The following PFDN1 variants were observed in gnomAD, a reference collection of about 807,000 sequenced individuals.
The protein encoded by PFDN1 is prefoldin subunit 1, also known as prefoldin 1.
In PFDN1, 6 loss-of-function variants were observed where a neutral mutation model predicts 17.3. That is an observed-to-expected ratio of 0.35 (90% CI 0.19 to 0.69). PFDN1 has a LOEUF of 0.69. Ranked by LOEUF, PFDN1 falls within the 30% of genes least tolerant of loss-of-function variation. PFDN1 has a pLI of 0.65. For synonymous variants in PFDN1, 58 were observed against 50.1 expected, an observed-to-expected ratio of 1.16 and a Z score of -0.67; for missense variants, 113 against 146.2, an observed-to-expected ratio of 0.77 and a Z score of 1.17.
chr5:140,254,653 C>T lies in PFDN1; in HGVS notation c.286-8596G>A, dbSNP rs79200580. Among the ~76,000 whole-genome samples, 3 of 152,316 alleles carry T rather than the reference C, an allele frequency of 2.0e-5. No individual in the cohort carries two copies. Among genetic ancestry groups the T allele is most frequent in the Non-Finnish European group, 4.4e-5 (3 of 68,024 alleles). ...GTTATCCCACCTCAGCCACCTGGTC[C>T]ATGGTCATGCCCTAGGTCTTGTCAA... On this transcript the variant is annotated intron_variant, in intron 3 of 3. Transcript: ENST00000261813. The surrounding 1 kb of genome is among the most constrained non-coding windows in gnomAD (Gnocchi z 4.4).
intron 2 of PFDN1, among the ~76,000 whole-genome samples, chr5:140,283,967 T>C (rs1452479821): frequency 6.6e-6 from 1 of 152,198 alleles, no homozygotes; most frequent in Non-Finnish European, 1.5e-5. Flanking sequence ...AGTACTATTC[T>C]CAAATAAAAG....
At chr5:140,302,907 A>C (rs1015489029) in intron 1 of PFDN1, 134 bp downstream of exon 1, 7 of 762,524 alleles carry the variant, frequency 9.2e-6, no homozygotes, top group Non-Finnish European at 1.7e-5. Flanking sequence ...AGGCCTTAGG[A>C]CTCTGGGAAA....
At chr5:140,256,656 G>GACAAAAAAAAAAAAAA (rs1764989788) in intron 3 of PFDN1, among the ~76,000 whole-genome samples, 1 of 6,560 alleles carries the variant, frequency 1.5e-4, no homozygotes, top group African/African-American at 4.5e-4. Context: ...AACAAAAAAT[G>GACAAAAAAAAAAAAAA]ACAAAAAAAA....
Position 140,245,411 on chromosome 5 carries a change from C to A in PFDN1, c.*563G>T. On this transcript the variant is annotated 3_prime_UTR_variant, in exon 4 of 4. Transcript: ENST00000261813. ...GACTGCTATTCTGTTCACTGAGATT[C>A]AGCTGTGAACATCTGTTCTTTCTTC... 2.8e-6 allele frequency: 2 copies of A among 701,882 alleles called. No homozygotes were observed. Among genetic ancestry groups the A allele is most frequent in the South Asian group, 3.0e-5 (2 of 67,478 alleles). 43.5% of individuals were successfully genotyped at this position (701,882 alleles called of 1,614,324 possible).
intron 3 of PFDN1, among the ~76,000 whole-genome samples, chr5:140,251,556 T>G (rs1764913324): frequency 6.6e-6 from 1 of 152,156 alleles, no homozygotes; most frequent in African/African-American, 2.4e-5. Flanking sequence ...CTACCAGCAG[T>G]CCTGGGAGGG....
intron 3 of PFDN1, among the ~76,000 whole-genome samples, chr5:140,247,985 AG>A (rs1764856206): frequency 1.3e-5 from 2 of 152,250 alleles, no homozygotes; most frequent in Non-Finnish European, 2.9e-5. Flanking sequence ...ACTGCTGCTA[AG>A]GAATTTTAAT....
intron 2 of PFDN1, among the ~76,000 whole-genome samples, chr5:140,296,961 T>A (rs1304322021): frequency 6.6e-6 from 1 of 152,194 alleles, no homozygotes; most frequent in African/African-American, 2.4e-5. Context: ...TTAGATTTTA[T>A]CCTGTGGACA....
chr5:140,268,552 A>G (rs1018255273), intron 3 of PFDN1, among the ~76,000 whole-genome samples: 1 of 152,090 alleles, frequency 6.6e-6, no homozygotes, highest in Non-Finnish European at 1.5e-5. Context: ...AGGCTGAGGC[A>G]GGAAATCTTT....
At position 140,270,147 on chromosome 5, in the gene PFDN1, T is replaced by C. The variant is rs993248125; in HGVS notation, c.285+11302A>G. ...TCAGAGTAAGAATCTAGGATAAGGA[T>C]TCTTGGCAAGGAAGTATGTAATGAC... On this transcript the variant is annotated intron_variant, in intron 3 of 3. Transcript: ENST00000261813. Among the ~76,000 whole-genome samples, 4 of 152,282 alleles carry C rather than the reference T, an allele frequency of 2.6e-5. No homozygotes were observed. In the South Asian group the frequency reaches 8.3e-4, roughly 32 times the overall value.
At chr5:140,256,640 G>T (rs1205942174) in intron 3 of PFDN1, among the ~76,000 whole-genome samples, 17 of 30,976 alleles carry the variant, frequency 5.5e-4, no homozygotes, top group East Asian at 4.5e-3. Flanking sequence ...ACTGCTCAAT[G>T]TAAAAAACAA....
At chr5:140,285,498 T>G (rs1765473753) in intron 2 of PFDN1, among the ~76,000 whole-genome samples, 1 of 151,806 alleles carries the variant, frequency 6.6e-6, no homozygotes, top group African/African-American at 2.4e-5. Flanking sequence ...TAAATTGAAT[T>G]TATTTCTTAC....
intron 3 of PFDN1, among the ~76,000 whole-genome samples, chr5:140,279,771 A>C (rs1338833737): frequency 6.6e-6 from 1 of 152,028 alleles, no homozygotes; most frequent in African/African-American, 2.4e-5. Context: ...CGAGGCAGGC[A>C]GATCATCTGA....
intron 3 of PFDN1, among the ~76,000 whole-genome samples, chr5:140,251,210 A>G (rs1764908148): frequency 6.6e-6 from 1 of 152,204 alleles, no homozygotes; most frequent in Admixed American, 6.5e-5. Context: ...TGCTGGGATT[A>G]CAGATGTGAA....
intron 1 of PFDN1, among the ~76,000 whole-genome samples, chr5:140,301,585 C>T (rs1251741608): frequency 6.6e-6 from 1 of 151,988 alleles, no homozygotes; most frequent in Non-Finnish European, 1.5e-5. Context: ...TCCTATTTGT[C>T]TCCACCCAAA....
chr5:140,286,415 A>G (rs947860835), intron 2 of PFDN1, among the ~76,000 whole-genome samples: 8 of 148,056 alleles, frequency 5.4e-5, no homozygotes, highest in Non-Finnish European at 9.0e-5. Flanking sequence ...CTGTCTCAAA[A>G]AAAAAAAAAA....
At chr5:140,279,730 A>G (rs2014350) in intron 3 of PFDN1, among the ~76,000 whole-genome samples, 151,988 of 151,996 alleles carry the variant, frequency 1, 75,990 homozygotes, top group Middle Eastern at 1. Context: ...GGCCAGGCGC[A>G]GTGGCCTATG....
At chr5:140,287,112 G>A (rs903448127) in intron 2 of PFDN1, among the ~76,000 whole-genome samples, 2 of 152,196 alleles carry the variant, frequency 1.3e-5, no homozygotes, top group African/African-American at 4.8e-5. Context: ...GGATTAACTA[G>A]TTGGTTAAAT....
intron 2 of PFDN1, among the ~76,000 whole-genome samples, chr5:140,282,528 T>A (rs997832843): frequency 6.6e-6 from 1 of 152,126 alleles, no homozygotes; most frequent in African/African-American, 2.4e-5. Context: ...TGTATAAGCC[T>A]TAGTATCTTT....
chr5:140,300,793 C>A (rs529722228), intron 1 of PFDN1, among the ~76,000 whole-genome samples: 1 of 152,150 alleles, frequency 6.6e-6, no homozygotes, highest in Admixed American at 6.5e-5. Context: ...CAGTGTGAAG[C>A]AAATCAAATG....
Sources: allele counts gnomAD v4.1 joint callset (sites outside exome capture counted in the v4.1 genomes callset), GRCh38; gene constraint gnomAD v4.1.1; non-coding constraint Gnocchi (gnomAD v3.1); transcripts MANE v1.5; gene names NCBI Gene and HGNC (gene_info 2026-07-23, HGNC 2026-07-21).